Variants in XYLT2 observed in about 807,000 individuals in gnomAD.
XYLT2 encodes the protein xylosyltransferase 2.
Under a neutral mutation model 82.6 loss-of-function variants are expected in XYLT2, and 37 were observed. The observed-to-expected ratio is 0.45, with a 90% CI of 0.34 to 0.59. The LOEUF is 0.59. Ranked by LOEUF, XYLT2 falls within the 20% of genes least tolerant of loss-of-function variation. The probability of loss-of-function intolerance (pLI) is 0.01; values close to 1 mark genes in which losing one functional copy is unlikely to be tolerated. For synonymous variants in XYLT2, 474 were observed against 499.0 expected (o/e 0.95, Z 0.67); for missense variants, 934 against 1,181.3 (o/e 0.79, Z 3.07).
chr17:50,355,663 C>G, intron 5 of XYLT2, 82 bp downstream of exon 5: 1 of 1,598,054 alleles, frequency 6.3e-7, no homozygotes, highest in Non-Finnish European at 8.6e-7. Context: ...GGCTCCAGCC[C>G]TGGGTTTCAA....
chr17:50,357,869 C>G, intron 9 of XYLT2: 1 of 271,912 alleles, frequency 3.7e-6, no homozygotes, highest in Admixed American at 4.7e-5. Flanking sequence ...CGCAAGCCAC[C>G]GCGCCTGGCC....
chr17:50,356,836 C>T, intron 8 of XYLT2, 63 bp downstream of exon 8: 3 of 1,547,388 alleles, frequency 1.9e-6, no homozygotes, highest in Non-Finnish European at 2.6e-6. Context: ...GGAGGCCAAC[C>T]AGAGAGTGAC....
intron 6 of XYLT2, 31 bp downstream of exon 6, chr17:50,356,028 G>A: frequency 1.2e-6 from 2 of 1,614,198 alleles, no homozygotes; most frequent in Non-Finnish European, 1.7e-6. Flanking sequence ...GAAGGCCAGG[G>A]AGGGCGTGGG....
chr17:50,355,722 G>A (rs1398011414), intron 5 of XYLT2, 59 bp from the exon 6 acceptor site: 1 of 1,600,508 alleles, frequency 6.2e-7, no homozygotes, highest in Non-Finnish European at 8.5e-7. Flanking sequence ...CCAGGCGGGT[G>A]AAAGAGCTTA....
Position 50,346,452 on chromosome 17 carries a change from C to G in XYLT2, c.135+177C>G. The G allele has an allele frequency of 1.1e-6, 1 of 872,018 alleles. No individual in the cohort carries two copies. The highest frequency in any genetic ancestry group is 1.4e-6 in the Non-Finnish European group (1 of 726,344). 54.0% of individuals were successfully genotyped at this position (872,018 alleles called of 1,614,324 possible). On this transcript the variant is annotated intron_variant, in intron 1 of 10. Transcript: ENST00000017003. This position sits in a 1 kb window ranked among gnomAD's most constrained non-coding sequence, Gnocchi z 5.1. ...CCCGGCACTCCCTTCCCCAGCAGGC[C>G]TAGGGAGCTGCGCGCGGGGGCAGTG... is the stretch of plus-strand genomic sequence containing the variant.
chr17:50,360,212 G>A lies in XYLT2; in HGVS notation c.2519G>A (p.Arg840Lys), dbSNP rs1358745265. 6.2e-7 allele frequency: 1 copy of A among 1,614,088 alleles called. No homozygotes were observed. The highest frequency in any genetic ancestry group is 8.5e-7 in the Non-Finnish European group (1 of 1,180,000). ...CCCTGCCCCTCCCTGGAGCCCTGCA[G>A]ACTGACCAGCTGGAGCTCTCTGTCC... The part of the protein sequence containing the change: ...PSPCPSLEPC[R>K]LTSWSSLSPD... Residue 840 changes from arginine (R) to lysine (K), a missense_variant, in exon 11 of 11, where the codon AGA (arginine) becomes AAA (lysine). Around this residue, in one of 3 missense-constraint regions of XYLT2, gnomAD observed 374 missense variants for 465.6 expected, o/e 0.80. Coordinates refer to ENST00000017003, the MANE Select transcript of XYLT2 (RefSeq NM_022167.4).
chr17:50,355,967 G>C lies in XYLT2; in HGVS notation c.1275G>C (p.Gln425His). ...TDDPLVAQLRQFYTYTLLPAE... is the reference protein window; with the variant it reads ...TDDPLVAQLRHFYTYTLLPAE... ...ACCCGCTTGTGGCCCAGCTGCGCCAGTTCTACACATACACACTGCTCCCAG... is the reference window on the plus strand; with the variant it reads ...ACCCGCTTGTGGCCCAGCTGCGCCACTTCTACACATACACACTGCTCCCAG... The change falls in exon 6 of 11, where the codon CAG becomes CAC. Residue 425 changes from glutamine to histidine, a missense_variant. This residue lies in a region of XYLT2 where 189 missense variants were observed against 320.8 expected (regional missense o/e 0.59). Transcript: ENST00000017003. 1 of 1,614,258 alleles carries C rather than the reference G, an allele frequency of 6.2e-7. No homozygotes were observed. Among genetic ancestry groups the C allele is most frequent in the Non-Finnish European group, 8.5e-7 (1 of 1,180,042 alleles).
At position 50,346,340 on chromosome 17, in the gene XYLT2, G is replaced by A. The variant is rs1185861070; in HGVS notation, c.135+65G>A. On this transcript the variant is annotated intron_variant, in intron 1 of 10. Coordinates refer to ENST00000017003, the MANE Select transcript of XYLT2 (RefSeq NM_022167.4). The surrounding 1 kb of genome is among the most constrained non-coding windows in gnomAD (Gnocchi z 5.1). ...GGGCGCGCGGGGTCCTGGCGGGGCTGCGGGCGGCCCCAGCCGGGGAAGTGG... is the reference window on the plus strand; with the variant it reads ...GGGCGCGCGGGGTCCTGGCGGGGCTACGGGCGGCCCCAGCCGGGGAAGTGG... 1 of 1,001,824 alleles carries A rather than the reference G, an allele frequency of 1.0e-6. No homozygotes were observed. Among genetic ancestry groups the A allele is most frequent in the African/African-American group, 1.7e-5 (1 of 57,300 alleles). 62.1% of individuals were successfully genotyped at this position (1,001,824 alleles called of 1,614,324 possible). A position where few individuals can be genotyped will look rare whatever the true frequency, so the allele number is the denominator to read the frequency against.
rs761469448 is a variant in XYLT2 at position 50,354,131 on chromosome 17, CA to C, written c.628+10del. On this transcript the variant is annotated intron_variant, in intron 2 of 10. Transcript: ENST00000017003. ...GCACTGTCAGCTGACTGGTGAGGGACAGGGGTGCTCCAGCCCTTCCCAGGCG... is the reference window on the plus strand; with the variant it reads ...GCACTGTCAGCTGACTGGTGAGGGACGGGGTGCTCCAGCCCTTCCCAGGCG... 3.7e-6 allele frequency: 6 copies of C among 1,601,522 alleles called. No individual in the cohort carries two copies. Among genetic ancestry groups the C allele is most frequent in the East Asian group, 2.2e-5 (1 of 44,888 alleles).
In XYLT2 at chr17:50,346,366, G is replaced by A. The variant is rs1396303204; in HGVS notation, c.135+91G>A. ...CGGGCGGCCCCAGCCGGGGAAGTGG[G>A]GCACGGGCCGCGTGCGTGCGTGCGG... On this transcript the variant is annotated intron_variant, in intron 1 of 10. Transcript: ENST00000017003. The surrounding 1 kb of genome is among the most constrained non-coding windows in gnomAD (Gnocchi z 5.1). The A allele has an allele frequency of 1.0e-6, 1 of 987,968 alleles. No individual in the cohort carries two copies. The highest frequency in any genetic ancestry group is 1.8e-5 in the African/African-American group (1 of 56,976). 61.2% of individuals were successfully genotyped at this position (987,968 alleles called of 1,614,324 possible).
intron 2 of XYLT2, 129 bp downstream of exon 2, chr17:50,354,251 C>A: frequency 1.3e-6 from 2 of 1,516,928 alleles, no homozygotes; most frequent in Non-Finnish European, 8.8e-7. Context: ...AAGTCTTCAT[C>A]CAGTGTACTT....
At chr17:50,354,163 A>G in intron 2 of XYLT2, 41 bp downstream of exon 2, 1 of 1,597,662 alleles carries the variant, frequency 6.3e-7, no homozygotes, top group Non-Finnish European at 8.5e-7. Flanking sequence ...AGGCGGGGGC[A>G]GGGGGGTGGC....
chr17:50,352,089 C>CT (rs1363931625), intron 1 of XYLT2, among the ~76,000 whole-genome samples: 2 of 152,184 alleles, frequency 1.3e-5, no homozygotes, highest in African/African-American at 4.8e-5. Flanking sequence ...AGTCACGCTG[C>CT]TGAAAGGCCA....
At chr17:50,348,887 G>A (rs1912144555) in intron 1 of XYLT2, among the ~76,000 whole-genome samples, 1 of 152,158 alleles carries the variant, frequency 6.6e-6, no homozygotes, top group African/African-American at 2.4e-5. Context: ...GACCTCAGGG[G>A]CTGCTGGGGG....
rs373747285 is a variant in XYLT2 at position 50,357,020 on chromosome 17, C to T, written c.1746-37C>T. 187 of 1,559,484 alleles carry T rather than the reference C, an allele frequency of 1.2e-4. 2 individuals carry two copies. The African/African-American group carries it at 2.4e-3, about 20-fold the overall frequency. On this transcript the variant is annotated intron_variant, in intron 8 of 10. Transcript: ENST00000017003. The stretch of plus-strand genomic sequence containing the variant: ...GGGACTCCAGGCCAAGTCAGGTGTG[C>T]TGATGGCATCTCCCTTTCTCCCTGC...
intron 9 of XYLT2, chr17:50,357,539 AGGGACATTCGAGTT>A (rs1327633643): frequency 4.2e-5 from 15 of 357,644 alleles, no homozygotes; most frequent in Non-Finnish European, 7.5e-5. Context: ...CTAGAGGGGC[AGGGACATTCGAGTT>A]GGGCCATGAA....
intron 1 of XYLT2, among the ~76,000 whole-genome samples, chr17:50,348,680 G>A (rs1012091791): frequency 6.6e-6 from 1 of 152,176 alleles, no homozygotes; most frequent in African/African-American, 2.4e-5. Flanking sequence ...AAAGGAGGTG[G>A]GGTATGGGGG....
At chr17:50,355,176 C>CTGAGCAGGGCGGA in intron 4 of XYLT2, 120 bp downstream of exon 4, 1 of 1,139,008 alleles carries the variant, frequency 8.8e-7, no homozygotes. Flanking sequence ...ATCCGCCCTG[C>CTGAGCAGGGCGGA]TCAGACATGG....
At position 50,350,100 on chromosome 17, in the gene XYLT2, T is replaced by C. The variant is rs1362205499; in HGVS notation, c.136-3530T>C. Among the ~76,000 whole-genome samples the C allele has an allele frequency of 1.4e-5, 2 of 145,384 alleles. 1 individual carries two copies. The stretch of plus-strand genomic sequence containing the variant: ...TGGGAGGCTGAGGCACGAGAATCGC[T>C]TGAACCTGGGAGGCAAAGGTTGCAG... On this transcript the variant is annotated intron_variant, in intron 1 of 10. Coordinates refer to ENST00000017003, the MANE Select transcript of XYLT2 (RefSeq NM_022167.4).
Sources: allele counts gnomAD v4.1 joint callset (sites outside exome capture counted in the v4.1 genomes callset), GRCh38; gene constraint gnomAD v4.1.1; regional missense constraint gnomAD v4.1.1; non-coding constraint Gnocchi (gnomAD v3.1); transcripts MANE v1.5; gene names NCBI Gene and HGNC (gene_info 2026-07-23, HGNC 2026-07-21).